Variants in COL4A4 observed in about 807,000 individuals in gnomAD.
The protein encoded by COL4A4 is collagen alpha-4(IV) chain.
In COL4A4, 105 loss-of-function variants were observed where a neutral mutation model predicts 192.9. The observed-to-expected ratio is 0.54, with a 90% CI of 0.46 to 0.64. The LOEUF is 0.64. Among genes scored for constraint, COL4A4 ranks in the 30% least tolerant of loss-of-function variants. The pLI is 0.00. For synonymous variants in COL4A4, 762 were observed against 769.9 expected (o/e 0.99, Z 0.17); for missense variants, 1,967 against 2,169.3 (o/e 0.91, Z 1.85).
chr2:226,983,494 A>G, the COL4A4 span, among the ~76,000 whole-genome samples: 2 of 152,180 alleles, frequency 1.3e-5, no homozygotes, highest in African/African-American at 4.8e-5. Context: ...CTTGTTTTAC[A>G]AGACACATGG....
chr2:227,107,885 G>A (rs910123561), intron 12 of COL4A4, among the ~76,000 whole-genome samples: 1 of 151,604 alleles, frequency 6.6e-6, no homozygotes, highest in Non-Finnish European at 1.5e-5. Flanking sequence ...AGCCTCCCGA[G>A]TACCTGGGAC....
intron 23 of COL4A4, 89 bp from the exon 24 acceptor site, chr2:227,080,638 G>A: frequency 8.6e-7 from 1 of 1,166,502 alleles, no homozygotes. Flanking sequence ...AAATGACCTT[G>A]ATTCTGGGTT....
chr2:227,152,496 A>G (rs2064019699), intron 1 of COL4A4, among the ~76,000 whole-genome samples: 1 of 152,234 alleles, frequency 6.6e-6, no homozygotes, highest in African/African-American at 2.4e-5. Context: ...CTGTTTCACC[A>G]GAAGCAGGCC....
intron 35 of COL4A4, among the ~76,000 whole-genome samples, chr2:227,045,816 A>ATT (rs1559487440): frequency 3.1e-5 from 2 of 64,704 alleles, no homozygotes; most frequent in Admixed American, 1.7e-4. Context: ...ATATATATAT[A>ATT]CACATATATA....
rs2061040474 is a variant in COL4A4 at position 227,109,267 on chromosome 2, C to A, written c.614G>T (p.Gly205Val). The change falls in exon 10 of 48, where the codon GGA becomes GTA. Residue 205 changes from glycine to valine, a missense_variant. Physicochemically the swap from Gly to Val is moderately radical, Grantham distance 109. Transcript: ENST00000396625. ...PGLPGSWGAG[G>V]PAGPTGYPGE... Reference sequence around the variant, plus strand: ...AGGATATCCTGTGGGACCTGCCGGTCCTCCTGCACCCCAAGATCCCTAAAC... The same window carrying A: ...AGGATATCCTGTGGGACCTGCCGGTACTCCTGCACCCCAAGATCCCTAAAC... 1 of 1,613,964 alleles carries A rather than the reference C, an allele frequency of 6.2e-7. No individual in the cohort carries two copies. The highest frequency in any genetic ancestry group is 1.7e-5 in the Admixed American group (1 of 60,016).
intron 22 of COL4A4, 83 bp from the exon 23 acceptor site, chr2:227,082,270 T>C: frequency 8.4e-7 from 1 of 1,190,148 alleles, no homozygotes; most frequent in East Asian, 2.3e-5. Flanking sequence ...CTCTCTCTTC[T>C]TCCCTCCTAA....
Position 227,089,610 on chromosome 2 carries a change from C to CAT in COL4A4, c.1459+256_1459+257dup, listed in dbSNP as rs1488061427. 7.4e-3 allele frequency among the ~76,000 whole-genome samples: 823 copies of CAT among 111,836 alleles called. 25 individuals are homozygous for CAT. Among genetic ancestry groups the CAT allele is most frequent in the African/African-American group, 0.031 (771 of 25,052 alleles). The allele number at this position is 111,836 out of a possible 152,430, so 73.4% of individuals were successfully genotyped here. A position where few individuals can be genotyped will look rare whatever the true frequency, so the allele number is the denominator to read the frequency against. The stretch of plus-strand genomic sequence containing the variant: ...TTCCATATATATATATATATATATA[C>CAT]ATACATATATATAAATATATAAGAC... On this transcript the variant is annotated intron_variant, in intron 21 of 47. Coordinates refer to ENST00000396625, the MANE Select transcript of COL4A4 (RefSeq NM_000092.5).
intron 16 of COL4A4, 150 bp from the exon 17 acceptor site, chr2:227,101,707 C>A: frequency 9.1e-7 from 1 of 1,096,704 alleles, no homozygotes; most frequent in South Asian, 1.4e-5. Flanking sequence ...TCTTGTGCTT[C>A]AATTTTTGCA....
intron 1 of COL4A4, among the ~76,000 whole-genome samples, chr2:227,158,547 T>C (rs1368645885): frequency 6.6e-6 from 1 of 152,024 alleles, no homozygotes; most frequent in Non-Finnish European, 1.5e-5. Context: ...ATTCTCAGAA[T>C]GGGAGAAAAT....
intron 4 of COL4A4, among the ~76,000 whole-genome samples, chr2:227,121,578 A>AAAAG (rs2061796168): frequency 3.0e-5 from 2 of 65,986 alleles, no homozygotes; most frequent in Admixed American, 2.8e-4. Flanking sequence ...AAAAAAAAAG[A>AAAAG]AAAGAAAAGA....
At chr2:227,023,460 AAAG>A (rs1349920388) in intron 43 of COL4A4, among the ~76,000 whole-genome samples, 1 of 152,030 alleles carries the variant, frequency 6.6e-6, no homozygotes, top group African/African-American at 2.4e-5. Flanking sequence ...AAAAAAGAAA[AAAG>A]AAAACCACTA....
At chr2:227,016,074 A>C (rs1396715692) in intron 44 of COL4A4, among the ~76,000 whole-genome samples, 17 of 149,296 alleles carry the variant, frequency 1.1e-4, no homozygotes, top group East Asian at 4.0e-4. Flanking sequence ...GCCCCACCCC[A>C]CCCCTCACCC....
At position 227,139,545 on chromosome 2, in the gene COL4A4, A is replaced by G. The variant is rs187415336; in HGVS notation, c.192+616T>C. Among the ~76,000 whole-genome samples, 44 of 152,354 alleles carry G rather than the reference A, an allele frequency of 2.9e-4. No individual in the cohort carries two copies. In the East Asian group the frequency reaches 7.1e-3, roughly 25 times the overall value. ...GAACAGAGAATCTAGCGTGGTCATC[A>G]ACGCAAACGTTCTGGGTGGACTTGA... is the stretch of plus-strand genomic sequence containing the variant. On this transcript the variant is annotated intron_variant, in intron 4 of 47. Coordinates refer to ENST00000396625, the MANE Select transcript of COL4A4 (RefSeq NM_000092.5).
intron 44 of COL4A4, among the ~76,000 whole-genome samples, chr2:227,017,197 G>A (rs995828712): frequency 2.6e-5 from 4 of 152,182 alleles, no homozygotes; most frequent in African/African-American, 9.7e-5. Flanking sequence ...CTCATGGTGA[G>A]ATCACTATAG....
rs767901025 is a variant in COL4A4, at chr2:227,007,581, C to T, written c.4817G>A (p.Gly1606Glu). 1.2e-5 allele frequency: 19 copies of T among 1,612,452 alleles called. No homozygotes were observed. The East Asian group carries it at 4.0e-4, about 34-fold the overall frequency. Residue 1606 changes from glycine to glutamate, a missense_variant, in exon 48 of 48, where the codon GGA (glycine) becomes GAA (glutamate). By Grantham distance (98) the Gly-to-Glu change is moderately conservative. Transcript: ENST00000396625. ...WIGYSFLMHT[G>E]AGDQGGGQAL... ...CTGCCCTCCTCCTTGGTCCCCAGCT[C>T]CTGTGTGCTACCCAGAAAACAAGAG... is the stretch of plus-strand genomic sequence containing the variant.
chr2:227,077,712 A>G (rs578103579), intron 25 of COL4A4, among the ~76,000 whole-genome samples, 182 bp downstream of exon 25: 28 of 150,932 alleles, frequency 1.9e-4, no homozygotes, highest in East Asian at 3.9e-4. Context: ...AAAAAAAAAG[A>G]AGGAGGAGGG....
At chr2:227,078,247 AAT>A (rs202009202) in intron 24 of COL4A4, among the ~76,000 whole-genome samples, 170 bp from the exon 25 acceptor site, 2 of 151,610 alleles carry the variant, frequency 1.3e-5, no homozygotes, top group African/African-American at 2.4e-5. Flanking sequence ...TAATATTTTA[AAT>A]ATATATATAT....
At chr2:227,109,387 A>G (rs1372155682) in intron 9 of COL4A4, 101 bp from the exon 10 acceptor site, 2 of 978,406 alleles carry the variant, frequency 2.0e-6, no homozygotes, top group Non-Finnish European at 3.3e-6. Flanking sequence ...CCTCTAAAGA[A>G]ATCACAGCCA....
intron 30 of COL4A4, 34 bp downstream of exon 30, chr2:227,055,911 G>A: frequency 6.3e-7 from 1 of 1,593,590 alleles, no homozygotes; most frequent in Non-Finnish European, 8.6e-7. Context: ...ATGTTTCTAA[G>A]ATGGGAGGAC....
Sources: gnomAD v4.1 joint callset for allele counts (sites outside exome capture counted in the v4.1 genomes callset) on GRCh38, gnomAD v4.1.1 for gene constraint, MANE v1.5 for transcripts, NCBI Gene and HGNC (gene_info 2026-07-23, HGNC 2026-07-21) for gene names.